PLD5: variants seen among roughly 807,000 people sequenced by gnomAD.
PLD5 encodes the protein phospholipase D family member 5.
In PLD5, 36 loss-of-function variants were observed where a neutral mutation model predicts 61.1. The ratio of observed to expected loss-of-function variants is 0.59; its 90% CI spans 0.45 to 0.78. The LOEUF is 0.78. Ranked by LOEUF, PLD5 falls within the 30% of genes least tolerant of loss-of-function variation. The probability of loss-of-function intolerance (pLI) is 0.00; values close to 1 mark genes in which losing one functional copy is unlikely to be tolerated. For missense variants in PLD5, 515 were observed against 644.4 expected (o/e 0.80, Z 2.17); for synonymous variants, 243 against 242.8 (o/e 1.00, Z -0.01).
intron 1 of PLD5, among the ~76,000 whole-genome samples, chr1:242,519,818 G>A (rs917116980): frequency 5.3e-5 from 8 of 152,164 alleles, no homozygotes; most frequent in Non-Finnish European, 7.4e-5. Flanking sequence ...CAGCCTTGCC[G>A]ACCAAAGGAC....
chr1:242,184,697 G>T (rs1004305097), intron 5 of PLD5, among the ~76,000 whole-genome samples: 1 of 152,162 alleles, frequency 6.6e-6, no homozygotes, highest in Non-Finnish European at 1.5e-5. Context: ...GAGAAGTTAA[G>T]ATTCAACTGA....
chr1:242,157,212 T>G (rs561094905), intron 5 of PLD5, among the ~76,000 whole-genome samples: 25 of 152,342 alleles, frequency 1.6e-4, no homozygotes, highest in African/African-American at 5.5e-4. Context: ...TCAGGTCATC[T>G]ATGTTCTTCT....
chr1:242,284,543 C>T (rs1364651756), intron 3 of PLD5, among the ~76,000 whole-genome samples: 2 of 152,088 alleles, frequency 1.3e-5, no homozygotes, highest in Non-Finnish European at 2.9e-5. Flanking sequence ...AGAGGGGAAT[C>T]GGGGCAAGGT....
intron 1 of PLD5, among the ~76,000 whole-genome samples, chr1:242,407,296 C>T (rs112867058): frequency 0.04 from 6,126 of 152,200 alleles, 424 homozygotes; most frequent in African/African-American, 0.14. Context: ...TCCATTAAAC[C>T]TCTTTCCTTT....
chr1:242,372,611 C>T (rs1412641229), intron 1 of PLD5, among the ~76,000 whole-genome samples: 2 of 152,114 alleles, frequency 1.3e-5, no homozygotes, highest in East Asian at 1.9e-4. Context: ...ACCAATCAAA[C>T]AGAACAGAGC....
At chr1:242,131,071 C>T (rs910389790) in intron 5 of PLD5, among the ~76,000 whole-genome samples, 10 of 151,886 alleles carry the variant, frequency 6.6e-5, no homozygotes, top group Non-Finnish European at 1.2e-4. Context: ...TTTGGGAGGC[C>T]GAGGTGGGCG....
At chr1:242,125,870 A>G (rs562098039) in intron 5 of PLD5, among the ~76,000 whole-genome samples, 1 of 152,286 alleles carries the variant, frequency 6.6e-6, no homozygotes, top group South Asian at 2.1e-4. Context: ...CAGATCTGTC[A>G]TCGATTTCCA....
chr1:242,182,845 A>AAAAAT (rs1175803105), intron 5 of PLD5, among the ~76,000 whole-genome samples: 2 of 152,174 alleles, frequency 1.3e-5, no homozygotes, highest in Non-Finnish European at 2.9e-5. Flanking sequence ...TCTGTCTCAA[A>AAAAAT]AAAATAAAAC....
intron 5 of PLD5, among the ~76,000 whole-genome samples, chr1:242,168,622 C>T (rs1666495713): frequency 6.6e-6 from 1 of 152,056 alleles, no homozygotes. Context: ...ATTTTGAGTA[C>T]CACTGATGAT....
intron 3 of PLD5, among the ~76,000 whole-genome samples, chr1:242,274,130 T>C (rs1324912752): frequency 2.6e-5 from 4 of 152,192 alleles, no homozygotes; most frequent in African/African-American, 9.7e-5. Context: ...TACAGACATA[T>C]AGAATTATAA....
At chr1:242,346,013 TCC>T (rs71176750) in intron 2 of PLD5, among the ~76,000 whole-genome samples, 7,728 of 100,900 alleles carry the variant, frequency 0.077, 381 homozygotes, top group East Asian at 0.19. Flanking sequence ...AGAAAAGATC[TCC>T]CCCCCCCCCA....
In PLD5 at chr1:242,088,674, A is replaced by T. The variant is rs1432902083; in HGVS notation, c.*1180T>A. On this transcript the variant is annotated 3_prime_UTR_variant, in exon 10 of 10. Transcript: ENST00000536534. ...AAGAGGCCATGCCTCTCCCTAGTGT[A>T]GCAATGGTCTCCATTAATACAGGGG... 2 of 152,196 alleles carry T rather than the reference A, an allele frequency of 1.3e-5. No homozygotes were observed. The highest frequency in any genetic ancestry group is 2.9e-5 in the Non-Finnish European group (2 of 68,044). 9.4% of individuals were successfully genotyped at this position (152,196 alleles called of 1,614,324 possible).
chr1:242,500,409 C>T (rs74150737), intron 1 of PLD5, among the ~76,000 whole-genome samples: 3,126 of 152,210 alleles, frequency 0.021, 104 homozygotes, highest in African/African-American at 0.072. Context: ...GCACAGTATC[C>T]GTAGACAAGA....
intron 4 of PLD5, among the ~76,000 whole-genome samples, chr1:242,250,771 T>A (rs1248636531): frequency 6.6e-6 from 1 of 151,998 alleles, no homozygotes; most frequent in Non-Finnish European, 1.5e-5. Flanking sequence ...CCTCATTCAG[T>A]GTGGAGAATA....
In PLD5 at chr1:242,507,541, G is replaced by GTGAC. The variant is rs536110616; in HGVS notation, c.189+16543_189+16546dup. On this transcript the variant is annotated intron_variant, in intron 1 of 9. Coordinates refer to ENST00000536534, the MANE Select transcript of PLD5 (RefSeq NM_001372062.1). ...CCATGTGGTTAACTATACCTTATTG[G>GTGAC]TGACTGCCCTGAGCTATAGAATTAA... is the stretch of plus-strand genomic sequence containing the variant. 1.3e-3 allele frequency among the ~76,000 whole-genome samples: 199 copies of GTGAC among 152,274 alleles called. 1 individual carries two copies. The highest frequency in any genetic ancestry group is 8.1e-4 in the Non-Finnish European group (55 of 68,022).
At chr1:242,525,139 G>A (rs965617760), upstream of PLD5, among the ~76,000 whole-genome samples, 7 of 152,152 alleles carry the variant, frequency 4.6e-5, no homozygotes, top group Non-Finnish European at 7.3e-5. Context: ...AGAGCAGAGG[G>A]TGCCCAGCAT....
At chr1:242,114,115 T>C in intron 6 of PLD5, 89 bp from the exon 7 acceptor site, 1 of 1,435,378 alleles carries the variant, frequency 7.0e-7, no homozygotes, top group Non-Finnish European at 9.4e-7. Flanking sequence ...GGACCTTGGC[T>C]TGTAACTATA....
At chr1:242,471,562 T>C (rs1248085775) in intron 1 of PLD5, among the ~76,000 whole-genome samples, 1 of 152,162 alleles carries the variant, frequency 6.6e-6, no homozygotes, top group African/African-American at 2.4e-5. Flanking sequence ...TAGATATCCA[T>C]GTTTTATTTT....
At chr1:242,285,146 G>A (rs1674945344) in intron 3 of PLD5, among the ~76,000 whole-genome samples, 2 of 152,222 alleles carry the variant, frequency 1.3e-5, no homozygotes, top group Non-Finnish European at 2.9e-5. Flanking sequence ...GTTGGCAGCA[G>A]GCCAGTTGTT....
Sources: gnomAD v4.1 joint callset for allele counts (sites outside exome capture counted in the v4.1 genomes callset) on GRCh38, gnomAD v4.1.1 for gene constraint, MANE v1.5 for transcripts, NCBI Gene and HGNC (gene_info 2026-07-23, HGNC 2026-07-21) for gene names.